SLC2A9: variants seen among roughly 807,000 people sequenced by gnomAD.
SLC2A9 encodes solute carrier family 2, facilitated glucose transporter member 9.
Under a neutral mutation model 50.6 loss-of-function variants are expected in SLC2A9, and 39 were observed. The ratio of observed to expected loss-of-function variants is 0.77; its 90% confidence interval spans 0.60 to 1.01. The LOEUF is 1.01. Among genes scored for constraint, SLC2A9 ranks in the 50% least tolerant of loss-of-function variants. The pLI is 0.00. For missense variants in SLC2A9, 686 were observed against 677.6 expected (o/e 1.01, Z -0.14); for synonymous variants, 324 against 276.9 (o/e 1.17, Z -1.69).
intron 5 of SLC2A9, among the ~76,000 whole-genome samples, chr4:9,967,112 T>C (rs1297500304): frequency 6.6e-6 from 1 of 152,236 alleles, no homozygotes; most frequent in African/African-American, 2.4e-5. Flanking sequence ...CATTGAACTT[T>C]TGATTGAAAT....
intron 3 of SLC2A9, among the ~76,000 whole-genome samples, chr4:9,996,321 A>G (rs1185314409): frequency 6.6e-6 from 1 of 152,198 alleles, no homozygotes; most frequent in Non-Finnish European, 1.5e-5. Flanking sequence ...TTTCCAAGGC[A>G]CTGCACTGTG....
chr4:9,869,937 T>C (rs1486168038), intron 10 of SLC2A9, among the ~76,000 whole-genome samples: 1 of 152,198 alleles, frequency 6.6e-6, no homozygotes, highest in Admixed American at 6.5e-5. Flanking sequence ...TTAAGGATGT[T>C]GAGAGGAGGA....
intron 3 of SLC2A9, among the ~76,000 whole-genome samples, chr4:9,781,123 A>T (rs777384700): frequency 1.3e-5 from 2 of 152,154 alleles, no homozygotes; most frequent in African/African-American, 4.8e-5. Flanking sequence ...GACACTGTCT[A>T]CTGGACACCT....
chr4:9,962,610 G>A (rs1752441507), intron 5 of SLC2A9, among the ~76,000 whole-genome samples: 1 of 152,134 alleles, frequency 6.6e-6, no homozygotes, highest in South Asian at 2.1e-4. Flanking sequence ...CCTAATGCAT[G>A]CTGGGCTTAC....
At position 9,949,760 on chromosome 4, in the gene SLC2A9, G is replaced by T. The variant is rs74559313; in HGVS notation, c.682-7715C>A. On this transcript the variant is annotated intron_variant, in intron 5 of 11. Coordinates refer to ENST00000264784, the MANE Select transcript of SLC2A9 (RefSeq NM_020041.3). ...AACCTGTCACACTCCTCTATGGCAG[G>T]TCCTATACAGAACTCATCAGTGATC... 9.6e-3 allele frequency among the ~76,000 whole-genome samples: 1,455 copies of T among 152,262 alleles called. 29 individuals are homozygous for T. Among genetic ancestry groups the T allele is most frequent in the African/African-American group, 0.033 (1,366 of 41,544 alleles).
At chr4:10,006,987 C>T (rs978700545) in intron 2 of SLC2A9, among the ~76,000 whole-genome samples, 6 of 152,062 alleles carry the variant, frequency 3.9e-5, no homozygotes, top group African/African-American at 1.4e-4. Context: ...GGATGAAGCG[C>T]GTCCCGTGAG....
chr4:9,911,845 G>T (rs1010582261), intron 7 of SLC2A9, among the ~76,000 whole-genome samples: 1 of 152,200 alleles, frequency 6.6e-6, no homozygotes. Context: ...TCTCTCCATG[G>T]AGATGTGATT....
chr4:9,912,158 G>T (rs1015363314), intron 7 of SLC2A9, among the ~76,000 whole-genome samples: 1 of 152,124 alleles, frequency 6.6e-6, no homozygotes, highest in Non-Finnish European at 1.5e-5. Flanking sequence ...GGGGAGCGGG[G>T]AGGGAGAGCA....
Position 9,884,517 on chromosome 4 carries a change from GC to G in SLC2A9, c.1291+3049del, listed in dbSNP as rs539527693. 1.4e-4 allele frequency among the ~76,000 whole-genome samples: 22 copies of G among 152,070 alleles called. No individual in the cohort carries two copies. The South Asian group carries it at 4.6e-3, about 32-fold the overall frequency. ...TTTTTGGAGGGTTGGCAATTAAGAAGCCATTGGCCATCTGTGCAACAGTGTA... is the reference window on the plus strand; with the variant it reads ...TTTTTGGAGGGTTGGCAATTAAGAAGCATTGGCCATCTGTGCAACAGTGTA... On this transcript the variant is annotated intron_variant, in intron 10 of 11. Coordinates refer to ENST00000264784, the MANE Select transcript of SLC2A9 (RefSeq NM_020041.3).
chr4:9,885,256 C>T (rs1328242686), intron 10 of SLC2A9, among the ~76,000 whole-genome samples: 3 of 152,130 alleles, frequency 2.0e-5, no homozygotes. Flanking sequence ...CTCTCCTCTC[C>T]CTCCAGCTTG....
intron 3 of SLC2A9, among the ~76,000 whole-genome samples, chr4:9,800,435 A>C (rs1721240498): frequency 6.6e-6 from 1 of 152,248 alleles, no homozygotes; most frequent in African/African-American, 2.4e-5. Flanking sequence ...GGACACAGGC[A>C]TGTATAGAAG....
downstream of SLC2A9, among the ~76,000 whole-genome samples, chr4:9,795,767 C>T (rs540784426): frequency 7.9e-5 from 12 of 152,202 alleles, no homozygotes; most frequent in Non-Finnish European, 1.6e-4. Context: ...GGCACAGGTC[C>T]TTTGTCCCTG....
chr4:10,013,109 A>G (rs1231253457), intron 2 of SLC2A9, among the ~76,000 whole-genome samples: 1 of 152,192 alleles, frequency 6.6e-6, no homozygotes, highest in East Asian at 1.9e-4. Context: ...CAGCACAGAT[A>G]ACCCTGATTT....
intron 8 of SLC2A9, among the ~76,000 whole-genome samples, chr4:9,900,660 C>G (rs576692986): frequency 2.4e-4 from 36 of 152,036 alleles, no homozygotes; most frequent in Non-Finnish European, 3.2e-4. Context: ...AAAGAACTGC[C>G]GAAGACTGGG....
rs1577977245 is a variant in SLC2A9, at chr4:9,937,337, T to C, written c.814+4576A>G. 2.0e-5 allele frequency among the ~76,000 whole-genome samples: 3 copies of C among 152,120 alleles called. No homozygotes were observed. In the East Asian group the frequency reaches 5.8e-4, roughly 29 times the overall value. The stretch of plus-strand genomic sequence containing the variant: ...GCCCTTGGGTTTTCTGTAGGAGACA[T>C]TTATCTCTGTGGGCCTCTGTTTCTT... On this transcript the variant is annotated intron_variant, in intron 6 of 11. Coordinates refer to ENST00000264784, the MANE Select transcript of SLC2A9 (RefSeq NM_020041.3).
intron 11 of SLC2A9, among the ~76,000 whole-genome samples, chr4:9,832,286 G>C (rs1297502334): frequency 6.6e-6 from 1 of 152,172 alleles, no homozygotes; most frequent in Non-Finnish European, 1.5e-5. Context: ...TGTTAGCCCT[G>C]TATTTCTCTA....
chr4:10,016,029 G>A (rs965728593), intron 2 of SLC2A9, among the ~76,000 whole-genome samples: 1 of 152,174 alleles, frequency 6.6e-6, no homozygotes, highest in African/African-American at 2.4e-5. Flanking sequence ...TGGACTCAAG[G>A]CCTCCTCGGG....
At chr4:9,906,517 G>A (rs148903910) in intron 8 of SLC2A9, among the ~76,000 whole-genome samples, 214 of 152,308 alleles carry the variant, frequency 1.4e-3, no homozygotes, top group Non-Finnish European at 2.6e-3. Flanking sequence ...ATCAGAGCTC[G>A]TATTTAGAAT....
At chr4:9,857,875 T>C (rs1730976767) in intron 10 of SLC2A9, among the ~76,000 whole-genome samples, 1 of 152,212 alleles carries the variant, frequency 6.6e-6, no homozygotes, top group South Asian at 2.1e-4. Flanking sequence ...AAAGTCCTGC[T>C]ATCCCCTCCA....
Sources: gnomAD v4.1 joint callset for allele counts (sites outside exome capture counted in the v4.1 genomes callset) on GRCh38, gnomAD v4.1.1 for gene constraint, MANE v1.5 for transcripts, NCBI Gene and HGNC (gene_info 2026-07-23, HGNC 2026-07-21) for gene names.